Variants in ADORA2A observed in about 807,000 individuals in gnomAD.
ADORA2A encodes adenosine A2a receptor.
ADORA2A carries 11 observed loss-of-function variants against 18.4 expected under a neutral mutation model. The ratio of observed to expected loss-of-function variants is 0.60; its 90% CI spans 0.38 to 0.99. The LOEUF is 0.99. ADORA2A is among the 50% of genes least tolerant of loss of function. The pLI, the probability that ADORA2A is intolerant of heterozygous loss-of-function variation, is 0.01. For synonymous variants in ADORA2A, 218 were observed against 237.3 expected, an observed-to-expected ratio of 0.92 and a Z score of 0.75; for missense variants, 449 against 556.1, an observed-to-expected ratio of 0.81 and a Z score of 1.94.
chr22:24,436,887 G>A (rs905990801), intron 2 of ADORA2A, among the ~76,000 whole-genome samples: 2 of 152,194 alleles, frequency 1.3e-5, no homozygotes, highest in African/African-American at 4.8e-5. Context: ...GAATGAGCAT[G>A]TGAGCACTGG....
chr22:24,438,930 G>T (rs1226652590), intron 2 of ADORA2A, among the ~76,000 whole-genome samples: 1 of 152,102 alleles, frequency 6.6e-6, no homozygotes, highest in Non-Finnish European at 1.5e-5. Flanking sequence ...GTTTTGCATG[G>T]CGCTGAAGAC....
chr22:24,440,056 T>C (rs2236624), intron 2 of ADORA2A, among the ~76,000 whole-genome samples: 121,483 of 151,908 alleles, frequency 0.8, 49,342 homozygotes, highest in African/African-American at 0.95. Flanking sequence ...GCCTAGATCC[T>C]CTATAGGTCT....
chr22:24,429,605 G>T (rs953416245), intron 1 of ADORA2A: 1 of 152,246 alleles, frequency 6.6e-6, no homozygotes, highest in Non-Finnish European at 1.5e-5. Context: ...GGAGGCCCAG[G>T]AGCCTTCCTG....
At chr22:24,427,223 G>A (rs2042927953), upstream of ADORA2A, among the ~76,000 whole-genome samples, 1 of 152,158 alleles carries the variant, frequency 6.6e-6, no homozygotes, top group Admixed American at 6.5e-5. Flanking sequence ...GCCTGGGGGA[G>A]GCTGCTCAGT....
At chr22:24,432,713 T>C (rs542364514) in intron 1 of ADORA2A, 1 of 153,308 alleles carries the variant, frequency 6.5e-6, no homozygotes, top group African/African-American at 2.4e-5. Flanking sequence ...CAGGGAGCCA[T>C]GGATAGTGCT....
intron 2 of ADORA2A, 92 bp downstream of exon 2, chr22:24,433,828 C>G (rs952663507): frequency 7.1e-7 from 1 of 1,412,570 alleles, no homozygotes; most frequent in Non-Finnish European, 9.6e-7. Flanking sequence ...GGATCAGGGC[C>G]TGGTCTGCAG....
chr22:24,440,487 G>A lies in ADORA2A; in HGVS notation c.333-96G>A, dbSNP rs564296775. The A allele has an allele frequency of 2.7e-5, 34 of 1,254,942 alleles. No homozygotes were observed. In the East Asian group the frequency reaches 7.9e-4, roughly 29 times the overall value. The allele number at this position is 1,254,942 out of a possible 1,614,324, so 77.7% of individuals were successfully genotyped here. A position where few individuals can be genotyped will look rare whatever the true frequency, so the allele number is the denominator to read the frequency against. On this transcript the variant is annotated intron_variant, in intron 2 of 2. Transcript: ENST00000337539. Reference sequence around the variant, plus strand: ...TGACTGGTCCAAGACCTTACAGTCAGGAAATGTGGAAACGGGTGCTGCTCT... The same window carrying A: ...TGACTGGTCCAAGACCTTACAGTCAAGAAATGTGGAAACGGGTGCTGCTCT...
chr22:24,427,384 C>T (rs2042929691), upstream of ADORA2A, among the ~76,000 whole-genome samples: 1 of 152,320 alleles, frequency 6.6e-6, no homozygotes, highest in African/African-American at 2.4e-5. Flanking sequence ...TGAGGCCCTG[C>T]ACCCAGCACT....
In ADORA2A at chr22:24,440,808, G is replaced by A; in HGVS notation, c.558G>A (p.Val186=). The A allele has an allele frequency of 6.2e-7, 1 of 1,614,206 alleles. No individual in the cohort carries two copies. The highest frequency in any genetic ancestry group is 1.1e-5 in the South Asian group (1 of 91,086). The change falls in exon 3 of 3, where the codon GTG becomes GTA. Residue 186 remains valine, a synonymous_variant. Coordinates refer to ENST00000337539, the MANE Select transcript of ADORA2A (RefSeq NM_000675.6). The stretch of plus-strand genomic sequence containing the variant: ...TGTACTTCAACTTCTTTGCCTGTGT[G>A]CTGGTGCCCCTGCTGCTCATGCTGG... ...YMVYFNFFAC[V]LVPLLLMLGV...
intron 2 of ADORA2A, among the ~76,000 whole-genome samples, chr22:24,437,954 T>A (rs1354253132): frequency 6.6e-6 from 1 of 152,272 alleles, no homozygotes; most frequent in East Asian, 1.9e-4. Flanking sequence ...TGCCTGGGAA[T>A]GTGGGCGACA....
intron 1 of ADORA2A, among the ~76,000 whole-genome samples, 196 bp downstream of exon 1, chr22:24,427,942 C>T (rs546360776): frequency 2.6e-5 from 4 of 152,312 alleles, no homozygotes; most frequent in African/African-American, 9.6e-5. Context: ...CCCATCTTGC[C>T]CACATCCTGC....
chr22:24,440,862 G>A lies in ADORA2A; in HGVS notation c.612G>A (p.Ala204=), dbSNP rs769141421. 34 of 1,614,052 alleles carry A rather than the reference G, an allele frequency of 2.1e-5. No individual in the cohort carries two copies. Among genetic ancestry groups the A allele is most frequent in the East Asian group, 1.1e-4 (5 of 44,886 alleles). Residue 204 remains alanine, a synonymous_variant, in exon 3 of 3, where the codon GCG becomes GCA. Transcript: ENST00000337539. ...LGVYLRIFLA[A]RRQLKQMESQ... ...TCTATTTGCGGATCTTCCTGGCGGC[G>A]CGACGACAGCTGAAGCAGATGGAGA... is the stretch of plus-strand genomic sequence containing the variant.
At position 24,440,977 on chromosome 22, in the gene ADORA2A, G is replaced by A. The variant is rs2043324810; in HGVS notation, c.727G>A (p.Ala243Thr). The A allele has an allele frequency of 1.2e-6, 2 of 1,614,016 alleles. No individual in the cohort carries two copies. Among genetic ancestry groups the A allele is most frequent in the Non-Finnish European group, 1.7e-6 (2 of 1,180,028 alleles). The change falls in exon 3 of 3, where the codon GCC becomes ACC. Residue 243 changes from alanine (A) to threonine (T), a missense_variant. Coordinates refer to ENST00000337539, the MANE Select transcript of ADORA2A (RefSeq NM_000675.6). ...ACTGGCCATCATTGTGGGGCTCTTT[G>A]CCCTCTGCTGGCTGCCCCTACACAT... ...KSLAIIVGLF[A>T]LCWLPLHIIN...
chr22:24,440,720 A>G lies in ADORA2A; in HGVS notation c.470A>G (p.Gln157Arg). Residue 157 changes from glutamine to arginine, a missense_variant, in exon 3 of 3, where the codon CAG becomes CGG. Coordinates refer to ENST00000337539, the MANE Select transcript of ADORA2A (RefSeq NM_000675.6). Reference protein sequence around the residue: ...GQPKEGKNHSQGCGEGQVACL... With the variant: ...GQPKEGKNHSRGCGEGQVACL... ...CCAAAGGAGGGCAAGAACCACTCCC[A>G]GGGCTGCGGGGAGGGCCAAGTGGCC... 1 of 1,614,186 alleles carries G rather than the reference A, an allele frequency of 6.2e-7. No individual in the cohort carries two copies. Among genetic ancestry groups the G allele is most frequent in the Non-Finnish European group, 8.5e-7 (1 of 1,180,002 alleles).
chr22:24,425,262 C>T (rs866118379), upstream of ADORA2A, among the ~76,000 whole-genome samples: 15 of 151,226 alleles, frequency 9.9e-5, no homozygotes, highest in African/African-American at 2.4e-4. Context: ...GGGGTCGGGG[C>T]TTCCTCACTG....
At chr22:24,430,198 C>G (rs1372757038) in intron 1 of ADORA2A, 1 of 152,512 alleles carries the variant, frequency 6.6e-6, no homozygotes, top group Non-Finnish European at 1.5e-5. Context: ...CCTGTGGGTC[C>G]GGGCAAGCCT....
At position 24,439,759 on chromosome 22, in the gene ADORA2A, G is replaced by C. The variant is rs188333652; in HGVS notation, c.333-824G>C. Among the ~76,000 whole-genome samples, 119 of 152,200 alleles carry C rather than the reference G, an allele frequency of 7.8e-4. 1 individual carries two copies. Among genetic ancestry groups the C allele is most frequent in the African/African-American group, 2.8e-3 (115 of 41,534 alleles). On this transcript the variant is annotated intron_variant, in intron 2 of 2. Coordinates refer to ENST00000337539, the MANE Select transcript of ADORA2A (RefSeq NM_000675.6). ...TGGGAGTCGGTAGGCTTGGATTTCT[G>C]TCTGGCTCTCACTCAGGAAGACTGA... is the stretch of plus-strand genomic sequence containing the variant.
intron 2 of ADORA2A, among the ~76,000 whole-genome samples, chr22:24,436,015 CG>C (rs2043165562): frequency 1.3e-5 from 2 of 152,204 alleles, no homozygotes; most frequent in African/African-American, 4.8e-5. Context: ...TGTGGCCAGG[CG>C]GATGTTCTGA....
At chr22:24,430,680 C>T (rs1331141897) in intron 1 of ADORA2A, among the ~76,000 whole-genome samples, 2 of 152,248 alleles carry the variant, frequency 1.3e-5, no homozygotes, top group Admixed American at 6.5e-5. Flanking sequence ...TTCACTTTGG[C>T]AGACGTGTTA....
Sources: allele counts gnomAD v4.1 joint callset (sites outside exome capture counted in the v4.1 genomes callset), GRCh38; gene constraint gnomAD v4.1.1; transcripts MANE v1.5; gene names NCBI Gene and HGNC (gene_info 2026-07-23, HGNC 2026-07-21).